The following ST3GAL3 variants were observed in gnomAD, a reference collection of about 807,000 sequenced individuals.
The protein encoded by ST3GAL3 is ST3 beta-galactoside alpha-2,3-sialyltransferase 3, also known as CMP-N-acetylneuraminate-beta-1,4-galactoside alpha-2,3-sialyltransferase.
Under a neutral mutation model 50.1 loss-of-function variants are expected in ST3GAL3, and 21 were observed. The observed-to-expected ratio is 0.42, with a 90% CI of 0.30 to 0.60. ST3GAL3 has a LOEUF of 0.60. Ranked by LOEUF, ST3GAL3 falls within the 20% of genes least tolerant of loss-of-function variation. ST3GAL3 has a pLI of 0.19. For missense variants in ST3GAL3, 353 were observed against 489.4 expected, an observed-to-expected ratio of 0.72 and a Z score of 2.63; for synonymous variants, 183 against 190.0, an observed-to-expected ratio of 0.96 and a Z score of 0.30.
intron 1 of ST3GAL3, among the ~76,000 whole-genome samples, chr1:43,735,963 G>A (rs1028969079): frequency 6.6e-6 from 1 of 152,318 alleles, no homozygotes; most frequent in Non-Finnish European, 1.5e-5. Flanking sequence ...AAATATCTGG[G>A]AGGCTGGAAT....
chr1:43,743,181 AAAAT>A (rs1473729982), intron 2 of ST3GAL3, among the ~76,000 whole-genome samples: 3 of 147,618 alleles, frequency 2.0e-5, no homozygotes, highest in Non-Finnish European at 4.5e-5. Flanking sequence ...GAAGGAAAAA[AAAAT>A]AAATAATGGC....
intron 2 of ST3GAL3, among the ~76,000 whole-genome samples, chr1:43,746,789 G>A (rs1201141214): frequency 1.5e-5 from 2 of 133,252 alleles, no homozygotes; most frequent in Non-Finnish European, 3.2e-5. Flanking sequence ...TTTGAGACAA[G>A]TCTCACTCTG....
At chr1:43,763,461 A>G (rs1300659484) in intron 2 of ST3GAL3, among the ~76,000 whole-genome samples, 1 of 152,166 alleles carries the variant, frequency 6.6e-6, no homozygotes, top group East Asian at 1.9e-4. Context: ...AATAGTTGGC[A>G]TGGAGGAGTG....
chr1:43,710,449 A>G (rs1020587173), intron 1 of ST3GAL3, among the ~76,000 whole-genome samples: 2 of 152,192 alleles, frequency 1.3e-5, no homozygotes, highest in African/African-American at 2.4e-5. Context: ...ATTCCTGTGA[A>G]TTACCACAGA....
chr1:43,726,391 A>G (rs1262731594), intron 1 of ST3GAL3, among the ~76,000 whole-genome samples: 1 of 151,828 alleles, frequency 6.6e-6, no homozygotes, highest in Non-Finnish European at 1.5e-5. Context: ...GGCTCAAGTA[A>G]TCCTCCCTCC....
intron 2 of ST3GAL3, among the ~76,000 whole-genome samples, chr1:43,774,120 C>T (rs538698488): frequency 1.3e-4 from 20 of 152,208 alleles, no homozygotes; most frequent in African/African-American, 3.9e-4. Flanking sequence ...TTTATTCAAA[C>T]ACAGATATAT....
intron 9 of ST3GAL3, among the ~76,000 whole-genome samples, chr1:43,909,348 C>T (rs1305770036): frequency 6.6e-6 from 1 of 152,218 alleles, no homozygotes; most frequent in African/African-American, 2.4e-5. Context: ...CATCTCTTTC[C>T]TCTTAGCCAT....
chr1:43,848,324 G>C (rs2066643332), intron 5 of ST3GAL3, among the ~76,000 whole-genome samples: 1 of 127,086 alleles, frequency 7.9e-6, no homozygotes, highest in Non-Finnish European at 1.6e-5. Context: ...TTTGGCGTAG[G>C]GATGGAGTTT....
At chr1:43,887,672 C>T (rs547983054) in intron 5 of ST3GAL3, among the ~76,000 whole-genome samples, 1 of 152,020 alleles carries the variant, frequency 6.6e-6, no homozygotes. Flanking sequence ...ATTGGGTTTG[C>T]GTAGAATATG....
At chr1:43,768,318 C>T (rs904324464) in intron 2 of ST3GAL3, among the ~76,000 whole-genome samples, 4 of 152,088 alleles carry the variant, frequency 2.6e-5, no homozygotes, top group Non-Finnish European at 4.4e-5. Flanking sequence ...TACATGCCTG[C>T]AGTCCTAGCT....
At chr1:43,730,745 T>A (rs7538463) in intron 1 of ST3GAL3, among the ~76,000 whole-genome samples, 102,360 of 151,242 alleles carry the variant, frequency 0.68, 34,996 homozygotes, top group East Asian at 0.73. Flanking sequence ...TGATTTTTAA[T>A]TTTTTTCTGG....
At chr1:43,851,632 G>T in intron 5 of ST3GAL3, 1 of 1,279,848 alleles carries the variant, frequency 7.8e-7, no homozygotes, top group Non-Finnish European at 1.1e-6. Context: ...TAATGATGTT[G>T]TAAACCTCAA....
At chr1:43,782,940 AT>A (rs1347624224) in intron 2 of ST3GAL3, among the ~76,000 whole-genome samples, 1 of 152,214 alleles carries the variant, frequency 6.6e-6, no homozygotes, top group African/African-American at 2.4e-5. Context: ...TTAATATTTA[AT>A]TACAGGATGC....
At chr1:43,724,057 C>G (rs1671780202) in intron 1 of ST3GAL3, among the ~76,000 whole-genome samples, 1 of 151,850 alleles carries the variant, frequency 6.6e-6, no homozygotes, top group South Asian at 2.1e-4. Context: ...GAGCTGCTCT[C>G]TATATTTAAA....
chr1:43,838,821 A>T (rs2064874264), intron 5 of ST3GAL3: 1 of 206,552 alleles, frequency 4.8e-6, no homozygotes, highest in South Asian at 8.7e-5. Flanking sequence ...ATCTGTGCAT[A>T]ACCCAGGGAG....
At chr1:43,812,893 GAAACA>G (rs1317519299) in intron 3 of ST3GAL3, among the ~76,000 whole-genome samples, 1 of 152,014 alleles carries the variant, frequency 6.6e-6, no homozygotes, top group Non-Finnish European at 1.5e-5. Flanking sequence ...GTGTGTGTGT[GAAACA>G]AAACAAAACT....
intron 5 of ST3GAL3, among the ~76,000 whole-genome samples, chr1:43,864,833 A>C (rs2070892587): frequency 1.3e-5 from 2 of 152,124 alleles, no homozygotes; most frequent in Non-Finnish European, 2.9e-5. Context: ...CTGGCAAGGT[A>C]GTGGCACCAT....
At chr1:43,795,395 T>G (rs1286984916) in intron 3 of ST3GAL3, among the ~76,000 whole-genome samples, 2 of 152,180 alleles carry the variant, frequency 1.3e-5, no homozygotes, top group Non-Finnish European at 2.9e-5. Context: ...AGCCTTCAGT[T>G]TTCCCGACAA....
intron 5 of ST3GAL3, among the ~76,000 whole-genome samples, chr1:43,872,445 C>T (rs898432322): frequency 2.0e-5 from 3 of 151,176 alleles, no homozygotes; most frequent in African/African-American, 7.3e-5. Context: ...TCTGACCGGG[C>T]ACTCCCTGAG....
Sources: allele counts gnomAD v4.1 joint callset (sites outside exome capture counted in the v4.1 genomes callset), GRCh38; gene constraint gnomAD v4.1.1; transcripts MANE v1.5; gene names NCBI Gene and HGNC (gene_info 2026-07-23, HGNC 2026-07-21).